The following CADM2 variants were observed in gnomAD, a reference collection of about 807,000 sequenced individuals.
The protein encoded by CADM2 is cell adhesion molecule 2, also known as immunoglobulin superfamily member 4D.
CADM2 carries 12 observed loss-of-function variants against 49.8 expected under a neutral mutation model. The ratio of observed to expected loss-of-function variants is 0.24; its 90% CI spans 0.15 to 0.39. The LOEUF is 0.39. CADM2 is among the 10% of genes least tolerant of loss of function. The pLI is 1.00. For synonymous variants in CADM2, 214 were observed against 175.4 expected (o/e 1.22, Z -1.74); for missense variants, 378 against 492.3 (o/e 0.77, Z 2.20).
At chr3:85,458,621 G>A (rs1352719385) in intron 1 of CADM2, among the ~76,000 whole-genome samples, 5 of 152,098 alleles carry the variant, frequency 3.3e-5, no homozygotes, top group East Asian at 3.9e-4. Context: ...ACTCTAGGAC[G>A]AGAGGAGTGG....
At chr3:86,014,900 T>C (rs1285897099) in intron 8 of CADM2, 8 of 1,534,914 alleles carry the variant, frequency 5.2e-6, no homozygotes, top group African/African-American at 2.7e-5. Flanking sequence ...GTATTCTTCC[T>C]GTGATGACGG....
At chr3:85,075,415 A>G (rs545627225) in intron 1 of CADM2, among the ~76,000 whole-genome samples, 1 of 152,264 alleles carries the variant, frequency 6.6e-6, no homozygotes, top group East Asian at 1.9e-4. Context: ...TAAGAGGGGA[A>G]TATTTAAAAT....
intron 1 of CADM2, among the ~76,000 whole-genome samples, chr3:85,335,833 T>A (rs1305868532): frequency 6.6e-6 from 1 of 151,464 alleles, no homozygotes; most frequent in Non-Finnish European, 1.5e-5. Flanking sequence ...AGTATGGATG[T>A]CTCCAAGTCT....
At chr3:85,024,383 T>A (rs2034634545) in intron 1 of CADM2, among the ~76,000 whole-genome samples, 1 of 152,040 alleles carries the variant, frequency 6.6e-6, no homozygotes, top group African/African-American at 2.4e-5. Context: ...AATGTAGGAG[T>A]CAGAATTCAA....
intron 1 of CADM2, among the ~76,000 whole-genome samples, chr3:85,284,794 G>A (rs1180113048): frequency 6.6e-6 from 1 of 151,980 alleles, no homozygotes; most frequent in Non-Finnish European, 1.5e-5. Flanking sequence ...ATATAAATAA[G>A]CTTGTTTTTA....
intron 4 of CADM2, among the ~76,000 whole-genome samples, chr3:85,884,891 ATTT>A (rs11309096): frequency 2.3e-4 from 31 of 136,644 alleles, no homozygotes; most frequent in Admixed American, 6.6e-4. Context: ...CGCCTGGCTA[ATTT>A]TTTTTTTTTT....
intron 1 of CADM2, among the ~76,000 whole-genome samples, chr3:85,298,304 A>G (rs960553409): frequency 1.3e-5 from 2 of 152,052 alleles, no homozygotes; most frequent in South Asian, 4.1e-4. Flanking sequence ...ATGGAACCAG[A>G]TTTGCCTCCT....
chr3:85,632,860 A>G (rs141057981), intron 1 of CADM2, among the ~76,000 whole-genome samples: 2 of 152,210 alleles, frequency 1.3e-5, no homozygotes, highest in Admixed American at 1.3e-4. Context: ...TAATATGACT[A>G]TTATACCATT....
chr3:85,085,038 T>C (rs1015383664), intron 1 of CADM2, among the ~76,000 whole-genome samples: 1 of 152,194 alleles, frequency 6.6e-6, no homozygotes, highest in Admixed American at 6.6e-5. Flanking sequence ...CTAAGTAATA[T>C]ATTCATCACC....
intron 1 of CADM2, among the ~76,000 whole-genome samples, chr3:85,268,552 T>C (rs2043170567): frequency 1.3e-5 from 2 of 151,340 alleles, no homozygotes; most frequent in Admixed American, 1.3e-4. Context: ...TAAATTTGTG[T>C]GCATATTATA....
At chr3:85,329,186 C>A (rs2044839194) in intron 1 of CADM2, among the ~76,000 whole-genome samples, 1 of 152,116 alleles carries the variant, frequency 6.6e-6, no homozygotes, top group Admixed American at 6.6e-5. Context: ...AATTTAAATA[C>A]ATTTCTGTTC....
chr3:85,890,852 A>T (rs1265636695), intron 5 of CADM2, among the ~76,000 whole-genome samples: 2 of 152,168 alleles, frequency 1.3e-5, no homozygotes, highest in Non-Finnish European at 2.9e-5. Context: ...TGAAGAAATG[A>T]ATTTCATATA....
intron 3 of CADM2, among the ~76,000 whole-genome samples, chr3:85,867,046 A>T (rs190207080): frequency 2.0e-5 from 3 of 152,276 alleles, no homozygotes; most frequent in Admixed American, 1.3e-4. Flanking sequence ...TATAACATTT[A>T]GTATAATCAT....
chr3:85,280,971 A>G (rs1178412800), intron 1 of CADM2, among the ~76,000 whole-genome samples: 2 of 151,930 alleles, frequency 1.3e-5, no homozygotes, highest in African/African-American at 4.8e-5. Context: ...TACGTGACAC[A>G]AAGTACTCTA....
At chr3:84,979,600 G>C (rs994606541) in intron 1 of CADM2, among the ~76,000 whole-genome samples, 1 of 151,900 alleles carries the variant, frequency 6.6e-6, no homozygotes, top group African/African-American at 2.4e-5. Context: ...GCCTTAAGGG[G>C]GAGAGAAATA....
chr3:85,176,805 G>T (rs1341328603), intron 1 of CADM2, among the ~76,000 whole-genome samples: 1 of 152,140 alleles, frequency 6.6e-6, no homozygotes, highest in Non-Finnish European at 1.5e-5. Context: ...ACTAGAGTTG[G>T]CAGGATTTGA....
chr3:85,974,920 C>G (rs997708607), intron 8 of CADM2, among the ~76,000 whole-genome samples: 3 of 151,466 alleles, frequency 2.0e-5, no homozygotes, highest in African/African-American at 7.3e-5. Context: ...TATTACAATT[C>G]AAACTTTATG....
At chr3:85,628,580 C>CACATATATATATACATATATAT in intron 1 of CADM2, among the ~76,000 whole-genome samples, 1 of 142,694 alleles carries the variant, frequency 7.0e-6, no homozygotes, top group Middle Eastern at 4.2e-3. Flanking sequence ...TATATACACA[C>CACATATATATATACATATATAT]ACATATATAT....
rs546187163 is a variant in CADM2 at position 85,012,918 on chromosome 3, T to C, written c.61+53250T>C. ...TGATATATAGTATGCATTTGCTCTG[T>C]TTTCCATTGATGTTTTACTAGTAAG... On this transcript the variant is annotated intron_variant, in intron 1 of 9. Coordinates refer to ENST00000383699, the MANE Select transcript of CADM2 (RefSeq NM_001167675.2). Among the ~76,000 whole-genome samples, 23 of 151,916 alleles carry C rather than the reference T, an allele frequency of 1.5e-4. No homozygotes were observed. In the South Asian group the frequency reaches 3.7e-3, roughly 25 times the overall value.
Sources: allele counts gnomAD v4.1 joint callset (sites outside exome capture counted in the v4.1 genomes callset), GRCh38; gene constraint gnomAD v4.1.1; transcripts MANE v1.5; gene names NCBI Gene and HGNC (gene_info 2026-07-23, HGNC 2026-07-21).